LIPK: variants seen among roughly 807,000 people sequenced by gnomAD.
LIPK encodes lipase member K.
In LIPK, 32 loss-of-function variants were observed where a neutral mutation model predicts 48.6. The observed-to-expected ratio is 0.66, with a 90% CI of 0.50 to 0.88. The LOEUF is 0.88. Ranked by LOEUF, LIPK falls within the 40% of genes least tolerant of loss-of-function variation. The pLI is 0.00. For missense variants in LIPK, 507 were observed against 478.5 expected (o/e 1.06, Z -0.56); for synonymous variants, 164 against 157.4 (o/e 1.04, Z -0.32).
At chr10:88,736,331 T>C (rs1230565394) in intron 6 of LIPK, among the ~76,000 whole-genome samples, 1 of 152,200 alleles carries the variant, frequency 6.6e-6, no homozygotes, top group Admixed American at 6.5e-5. Context: ...TCTGATTGAT[T>C]CCAGACTCTT....
At chr10:88,718,995 C>G (rs1038473858) in intron 1 of LIPK, among the ~76,000 whole-genome samples, 1 of 152,024 alleles carries the variant, frequency 6.6e-6, no homozygotes, top group Non-Finnish European at 1.5e-5. Context: ...ACTAGAGACA[C>G]AGAAGATTTA....
At position 88,737,655 on chromosome 10, in the gene LIPK, G is replaced by A. The variant is rs764929022; in HGVS notation, c.690G>A (p.Met230Ile). ...RVVKVLFGDKMFHPHTLFDQF... is the reference protein window; with the variant it reads ...RVVKVLFGDKIFHPHTLFDQF... ...TGTAGGTGTTGTTTGGTGACAAAATGTTCCACCCTCATACATTGTTTGACC... is the reference window on the plus strand; with the variant it reads ...TGTAGGTGTTGTTTGGTGACAAAATATTCCACCCTCATACATTGTTTGACC... Residue 230 changes from methionine to isoleucine, a missense_variant, in exon 7 of 10, where the codon ATG becomes ATA. Met to Ile is a conservative substitution (Grantham distance 10). Transcript: ENST00000404190. The A allele has an allele frequency of 5.6e-6, 9 of 1,613,616 alleles. No homozygotes were observed. Among genetic ancestry groups the A allele is most frequent in the African/African-American group, 2.7e-5 (2 of 74,932 alleles).
chr10:88,740,765 G>A (rs1427457088), intron 8 of LIPK, among the ~76,000 whole-genome samples: 3 of 152,058 alleles, frequency 2.0e-5, no homozygotes, highest in East Asian at 1.9e-4. Context: ...ATTCTATGAC[G>A]GGGAAAGTGG....
At chr10:88,747,452 G>T (rs1377422263) in intron 9 of LIPK, among the ~76,000 whole-genome samples, 1 of 152,114 alleles carries the variant, frequency 6.6e-6, no homozygotes. Context: ...GGGTTGCAAA[G>T]TTGGTCCAAA....
chr10:88,737,165 T>A (rs1334621011), intron 6 of LIPK, among the ~76,000 whole-genome samples: 3 of 152,198 alleles, frequency 2.0e-5, no homozygotes, highest in Non-Finnish European at 4.4e-5. Context: ...TAATTTATAC[T>A]TTAATTAAAT....
intron 9 of LIPK, among the ~76,000 whole-genome samples, chr10:88,745,061 C>T (rs1842743428): frequency 6.6e-6 from 1 of 151,944 alleles, no homozygotes; most frequent in South Asian, 2.1e-4. Flanking sequence ...TTTCAGTGAA[C>T]CCAGTCAGAC....
chr10:88,736,083 A>G (rs1336461399), intron 6 of LIPK, among the ~76,000 whole-genome samples: 1 of 152,070 alleles, frequency 6.6e-6, no homozygotes, highest in East Asian at 1.9e-4. Context: ...TAAAAGAAGT[A>G]CCAAGATTTC....
chr10:88,736,192 G>GGAGGAGGAAGAA (rs1390329232), intron 6 of LIPK, among the ~76,000 whole-genome samples: 1 of 148,012 alleles, frequency 6.8e-6, no homozygotes. Context: ...AGAAGGAAGA[G>GGAGGAGGAAGAA]GAGGAGGAAG....
At chr10:88,717,386 C>G (rs943887760) in intron 1 of LIPK, among the ~76,000 whole-genome samples, 1 of 152,026 alleles carries the variant, frequency 6.6e-6, no homozygotes, top group African/African-American at 2.4e-5. Context: ...GCCTTATATT[C>G]CGGTATTTTC....
chr10:88,716,457 A>G (rs1842120905), intron 1 of LIPK, among the ~76,000 whole-genome samples: 1 of 78,894 alleles, frequency 1.3e-5, no homozygotes, highest in Non-Finnish European at 2.2e-5. Flanking sequence ...TCTCGGGTTC[A>G]AGTGATTCTC....
intron 1 of LIPK, among the ~76,000 whole-genome samples, chr10:88,716,810 A>T (rs550443799): frequency 1.3e-5 from 2 of 152,330 alleles, no homozygotes; most frequent in East Asian, 3.9e-4. Flanking sequence ...AAGTGGAAGT[A>T]TCCTGAAGGC....
In LIPK at chr10:88,731,111, A is replaced by C. The variant is rs1842457590; in HGVS notation, c.352A>C (p.Ser118Arg). ...TGGTTATGACGTGTGGTTGGGGAAC[A>C]GCCGAGGAAACACTTGGTCCAGAAA... ...DSGYDVWLGNSRGNTWSRKHL... is the reference protein window; with the variant it reads ...DSGYDVWLGNRRGNTWSRKHL... Residue 118 changes from serine (S) to arginine (R), a missense_variant, in exon 4 of 10, where the codon AGC becomes CGC. Ser to Arg is a moderately radical substitution (Grantham distance 110). Transcript: ENST00000404190. 1.9e-6 allele frequency: 3 copies of C among 1,606,532 alleles called. No homozygotes were observed. Among genetic ancestry groups the C allele is most frequent in the Non-Finnish European group, 2.5e-6 (3 of 1,176,870 alleles).
chr10:88,735,868 G>A (rs1488591575), intron 6 of LIPK, among the ~76,000 whole-genome samples: 1 of 152,168 alleles, frequency 6.6e-6, no homozygotes, highest in Non-Finnish European at 1.5e-5. Context: ...TAGGGTAAAG[G>A]AGAAATTATT....
intron 1 of LIPK, among the ~76,000 whole-genome samples, chr10:88,722,571 G>C (rs1416531022): frequency 6.6e-6 from 1 of 152,172 alleles, no homozygotes; most frequent in Non-Finnish European, 1.5e-5. Context: ...TTTTCAGTGT[G>C]ATGTCTAAGA....
chr10:88,713,188 C>T (rs565155147), intron 1 of LIPK, among the ~76,000 whole-genome samples: 10 of 152,308 alleles, frequency 6.6e-5, no homozygotes, highest in Non-Finnish European at 1.2e-4. Context: ...CCTCTCTTTG[C>T]ATGAGTTCCA....
chr10:88,746,150 G>A (rs1842762275), intron 9 of LIPK, among the ~76,000 whole-genome samples: 1 of 152,086 alleles, frequency 6.6e-6, no homozygotes, highest in Admixed American at 6.6e-5. Context: ...GACCTACAAA[G>A]AGACTTAGAT....
At chr10:88,736,947 T>C (rs1020110930) in intron 6 of LIPK, among the ~76,000 whole-genome samples, 1 of 152,196 alleles carries the variant, frequency 6.6e-6, no homozygotes, top group African/African-American at 2.4e-5. Flanking sequence ...AAAATGTCTT[T>C]TTACCTTTAT....
At chr10:88,710,655 T>C (rs930020129) in intron 1 of LIPK, among the ~76,000 whole-genome samples, 1 of 152,190 alleles carries the variant, frequency 6.6e-6, no homozygotes, top group Non-Finnish European at 1.5e-5. Context: ...TTATCCAGGC[T>C]GTTGAATGTG....
At chr10:88,751,371 C>A (rs1056996197) in intron 9 of LIPK, among the ~76,000 whole-genome samples, 1 of 151,502 alleles carries the variant, frequency 6.6e-6, no homozygotes, top group Non-Finnish European at 1.5e-5. Context: ...AAAAAAAATT[C>A]TTTTTTTTAA....
Sources: allele counts gnomAD v4.1 joint callset (sites outside exome capture counted in the v4.1 genomes callset), GRCh38; gene constraint gnomAD v4.1.1; transcripts MANE v1.5; gene names NCBI Gene and HGNC (gene_info 2026-07-23, HGNC 2026-07-21).